The following ANK3 variants were observed in gnomAD, a reference collection of about 807,000 sequenced individuals.
ANK3 encodes ankyrin 3, also known as ankyrin-3.
In ANK3, 57 loss-of-function variants were observed where a neutral mutation model predicts 370.9. That is an observed-to-expected ratio of 0.15 (90% confidence interval 0.12 to 0.19). The LOEUF (loss-of-function observed/expected upper bound fraction) is 0.19. Ranked by LOEUF, ANK3 falls within the 10% of genes least tolerant of loss-of-function variation. The probability of loss-of-function intolerance (pLI) is 1.00; values close to 1 mark genes in which losing one functional copy is unlikely to be tolerated. For missense variants in ANK3, 4,439 were observed against 5,302.1 expected (o/e 0.84, Z 5.06); for synonymous variants, 1,929 against 1,946.3 (o/e 0.99, Z 0.23).
chr10:60,047,589 G>T (rs749721618), intron 42 of ANK3, among the ~76,000 whole-genome samples: 8 of 152,108 alleles, frequency 5.3e-5, no homozygotes, highest in South Asian at 2.1e-4. Context: ...TGGAATGAAC[G>T]GATAGAACTT....
At chr10:60,615,171 G>T in intron 2 of ANK3, 1 of 1,482,302 alleles carries the variant, frequency 6.7e-7, no homozygotes, top group Non-Finnish European at 8.9e-7. Context: ...TGAGTTTAGT[G>T]ATAATTTTCA....
intron 2 of ANK3, among the ~76,000 whole-genome samples, chr10:60,448,955 G>T (rs186142523): frequency 2.0e-5 from 3 of 152,178 alleles, no homozygotes; most frequent in Non-Finnish European, 2.9e-5. Context: ...TGACTGAAGC[G>T]CTGACCTTTA....
intron 2 of ANK3, among the ~76,000 whole-genome samples, chr10:60,445,411 GCAAA>G (rs1399629211): frequency 2.0e-5 from 3 of 151,692 alleles, no homozygotes; most frequent in Admixed American, 1.3e-4. Flanking sequence ...AAGCAAGCAA[GCAAA>G]CAAACAAACA....
intron 1 of ANK3, among the ~76,000 whole-genome samples, chr10:60,379,029 T>A (rs1255237282): frequency 6.6e-6 from 1 of 151,800 alleles, no homozygotes; most frequent in Non-Finnish European, 1.5e-5. Flanking sequence ...TCCCACACAA[T>A]CCGATTTAAA....
At chr10:60,318,139 T>G (rs779081350) in intron 1 of ANK3, among the ~76,000 whole-genome samples, 2 of 152,194 alleles carry the variant, frequency 1.3e-5, no homozygotes, top group Non-Finnish European at 2.9e-5. Context: ...GTGCAGGATG[T>G]GCAGGTTTGT....
chr10:60,634,807 A>G (rs1307085804), intron 1 of ANK3, among the ~76,000 whole-genome samples: 1 of 151,690 alleles, frequency 6.6e-6, no homozygotes, highest in Non-Finnish European at 1.5e-5. Context: ...AGAAACAAAC[A>G]ACTCCGGACG....
chr10:60,348,960 A>G (rs10761491), intron 1 of ANK3, among the ~76,000 whole-genome samples: 106,220 of 152,006 alleles, frequency 0.7, 38,358 homozygotes, highest in South Asian at 0.91. Flanking sequence ...CAATGTGTAC[A>G]TCTCTCATAC....
chr10:60,048,473 C>G (rs959068992), intron 42 of ANK3, among the ~76,000 whole-genome samples: 1 of 152,180 alleles, frequency 6.6e-6, no homozygotes, highest in African/African-American at 2.4e-5. Context: ...TCCTTAGTAT[C>G]CACAGGGATT....
intron 7 of ANK3, among the ~76,000 whole-genome samples, chr10:60,257,335 T>C (rs1192380683): frequency 6.6e-6 from 1 of 152,184 alleles, no homozygotes; most frequent in Non-Finnish European, 1.5e-5. Context: ...GTGCCATACA[T>C]GCCAAGTTCT....
chr10:60,457,999 G>A (rs766346025), intron 2 of ANK3, among the ~76,000 whole-genome samples: 3 of 152,034 alleles, frequency 2.0e-5, no homozygotes, highest in Non-Finnish European at 4.4e-5. Context: ...CTAATATGTA[G>A]AATAATATAC....
intron 18 of ANK3, among the ~76,000 whole-genome samples, chr10:60,173,933 C>G (rs1034713668): frequency 1.3e-5 from 2 of 151,988 alleles, no homozygotes; most frequent in African/African-American, 2.4e-5. Context: ...TAAGGATATT[C>G]CAGATCCTTC....
At chr10:60,404,327 A>C (rs1334446375) in intron 2 of ANK3, among the ~76,000 whole-genome samples, 1 of 152,200 alleles carries the variant, frequency 6.6e-6, no homozygotes, top group Non-Finnish European at 1.5e-5. Flanking sequence ...GAGTGACACT[A>C]CCTGAATTTA....
intron 2 of ANK3, among the ~76,000 whole-genome samples, chr10:60,524,199 G>A (rs189733079): frequency 4.6e-5 from 7 of 152,200 alleles, no homozygotes; most frequent in Admixed American, 4.6e-4. Context: ...ATCAAATCTT[G>A]TCTCCAAGAA....
At chr10:60,533,469 C>T (rs1418020551) in intron 2 of ANK3, among the ~76,000 whole-genome samples, 1 of 152,130 alleles carries the variant, frequency 6.6e-6, no homozygotes, top group African/African-American at 2.4e-5. Flanking sequence ...CACTCCTCCA[C>T]ACATGCCAGT....
intron 42 of ANK3, among the ~76,000 whole-genome samples, chr10:60,054,304 C>A (rs1482902448): frequency 6.6e-6 from 1 of 152,096 alleles, no homozygotes; most frequent in Admixed American, 6.6e-5. Flanking sequence ...TACTAAAAGT[C>A]AAGTCAAAGA....
At chr10:60,572,912 GACAC>G (rs766693649) in intron 2 of ANK3, 5 of 1,008,656 alleles carry the variant, frequency 5.0e-6, no homozygotes, top group Non-Finnish European at 5.9e-6. Flanking sequence ...GAGAGAGAGA[GACAC>G]ACACACACAC....
intron 7 of ANK3, among the ~76,000 whole-genome samples, chr10:60,255,074 T>C (rs2097716303): frequency 6.6e-6 from 1 of 152,178 alleles, no homozygotes; most frequent in Admixed American, 6.5e-5. Context: ...ATTTTTACTT[T>C]AGCCCTCATA....
chr10:60,053,791 GTTGC>G (rs1215497641), intron 42 of ANK3: 22 of 1,265,956 alleles, frequency 1.7e-5, no homozygotes, highest in Non-Finnish European at 2.1e-5. Context: ...GACCTAGTTG[GTTGC>G]TATTATACTA....
intron 2 of ANK3, among the ~76,000 whole-genome samples, chr10:60,551,949 C>T (rs956990328): frequency 6.6e-6 from 1 of 152,142 alleles, no homozygotes; most frequent in Non-Finnish European, 1.5e-5. Flanking sequence ...TCTTAATGTG[C>T]TCCACAACTG....
Sources: gnomAD v4.1 joint callset for allele counts (sites outside exome capture counted in the v4.1 genomes callset) on GRCh38, gnomAD v4.1.1 for gene constraint, MANE v1.5 for transcripts, NCBI Gene and HGNC (gene_info 2026-07-23, HGNC 2026-07-21) for gene names.